Variants in HECW2 observed in about 807,000 individuals in gnomAD.
HECW2 encodes HECT, C2 and WW domain containing E3 ubiquitin protein ligase 2.
Under a neutral mutation model 175.2 loss-of-function variants are expected in HECW2, and 61 were observed. That is an observed-to-expected ratio of 0.35 (90% CI 0.28 to 0.43). The LOEUF (loss-of-function observed/expected upper bound fraction) is 0.43, where lower values mean the gene tolerates loss of function less well. HECW2 is among the 20% of genes least tolerant of loss of function. The pLI, the probability that HECW2 is intolerant of heterozygous loss-of-function variation, is 1.00. For missense variants in HECW2, 1,524 were observed against 2,000.5 expected (o/e 0.76, Z 4.54); for synonymous variants, 671 against 731.0 (o/e 0.92, Z 1.32).
intron 1 of HECW2, among the ~76,000 whole-genome samples, chr2:196,526,990 C>G (rs955051542): frequency 6.6e-6 from 1 of 152,104 alleles, no homozygotes; most frequent in Non-Finnish European, 1.5e-5. Context: ...CCTCCTTGAG[C>G]TGTGGTGGGC....
At chr2:196,324,514 G>C (rs1362512929) in intron 6 of HECW2, among the ~76,000 whole-genome samples, 1 of 152,150 alleles carries the variant, frequency 6.6e-6, no homozygotes, top group African/African-American at 2.4e-5. Flanking sequence ...AAAGCCCGCA[G>C]AGAGAGAAAT....
chr2:196,313,691 T>C (rs2105735857), intron 10 of HECW2, among the ~76,000 whole-genome samples: 1 of 151,670 alleles, frequency 6.6e-6, no homozygotes, highest in Middle Eastern at 3.4e-3. Context: ...AACAAGTAAA[T>C]CCCTGAAAAT....
At chr2:196,563,968 A>G (rs2125503276) in intron 1 of HECW2, among the ~76,000 whole-genome samples, 1 of 152,364 alleles carries the variant, frequency 6.6e-6, no homozygotes, top group East Asian at 1.9e-4. Context: ...CTCACACAGT[A>G]TCATCCCAGA....
chr2:196,564,217 A>G (rs1690104090), intron 1 of HECW2, among the ~76,000 whole-genome samples: 1 of 152,212 alleles, frequency 6.6e-6, no homozygotes, highest in African/African-American at 2.4e-5. Context: ...CACTCTTCAA[A>G]TTAGTCATAA....
intron 1 of HECW2, among the ~76,000 whole-genome samples, chr2:196,531,135 T>C (rs925583683): frequency 3.3e-5 from 5 of 152,206 alleles, no homozygotes; most frequent in African/African-American, 1.2e-4. Flanking sequence ...GCATAAGGGA[T>C]GCCAGAAATA....
chr2:196,566,328 C>T lies in HECW2; in HGVS notation c.-36+27180G>A, dbSNP rs913287559. 2.7e-5 allele frequency among the ~76,000 whole-genome samples: 4 copies of T among 150,284 alleles called. No homozygotes were observed. The East Asian group carries it at 7.8e-4, about 29-fold the overall frequency. On this transcript the variant is annotated intron_variant, in intron 1 of 28. Coordinates refer to ENST00000644978, the MANE Select transcript of HECW2 (RefSeq NM_001348768.2). Reference sequence around the variant, plus strand: ...AGATGTTATGGTGCTGTAATATCTACGGTCTCCACGTATTTAGGTCTGCGC... The same window carrying T: ...AGATGTTATGGTGCTGTAATATCTATGGTCTCCACGTATTTAGGTCTGCGC...
intron 14 of HECW2, among the ~76,000 whole-genome samples, chr2:196,284,260 G>A (rs1016928600): frequency 7.9e-5 from 12 of 152,146 alleles, no homozygotes; most frequent in Non-Finnish European, 1.2e-4. Context: ...AATTCTCATC[G>A]CTAATCTGTT....
intron 1 of HECW2, among the ~76,000 whole-genome samples, chr2:196,591,240 A>G (rs1691180108): frequency 6.6e-6 from 1 of 152,192 alleles, no homozygotes; most frequent in African/African-American, 2.4e-5. Context: ...ATGGTGCCCA[A>G]ACCTCAGAGT....
chr2:196,287,980 A>G (rs1575361669), intron 14 of HECW2: 1 of 151,082 alleles, frequency 6.6e-6, no homozygotes, highest in South Asian at 2.1e-4. Context: ...GTGCTAAGGC[A>G]CACATCCTTT....
At chr2:196,298,226 G>C (rs753850038) in intron 13 of HECW2, among the ~76,000 whole-genome samples, 1 of 152,142 alleles carries the variant, frequency 6.6e-6, no homozygotes, top group African/African-American at 2.4e-5. Flanking sequence ...AGCTATAAAA[G>C]ACATGGCACT....
intron 14 of HECW2, among the ~76,000 whole-genome samples, chr2:196,286,653 C>A (rs942869224): frequency 5.3e-5 from 8 of 152,112 alleles, no homozygotes; most frequent in Middle Eastern, 3.2e-3. Context: ...TTAAAATAGA[C>A]AAGAAGTCCT....
intron 1 of HECW2, among the ~76,000 whole-genome samples, chr2:196,562,250 C>G (rs973894775): frequency 6.6e-6 from 1 of 152,178 alleles, no homozygotes; most frequent in African/African-American, 2.4e-5. Flanking sequence ...CTCCCACCCT[C>G]CAACCAAGTT....
At chr2:196,497,946 T>G (rs1687454040) in intron 1 of HECW2, among the ~76,000 whole-genome samples, 1 of 152,240 alleles carries the variant, frequency 6.6e-6, no homozygotes, top group South Asian at 2.1e-4. Flanking sequence ...GTCCACACTT[T>G]GTTGAACCTA....
chr2:196,244,718 A>G (rs148900038), intron 19 of HECW2, among the ~76,000 whole-genome samples: 2,098 of 152,354 alleles, frequency 0.014, 16 homozygotes, highest in Non-Finnish European at 0.02. Flanking sequence ...TTTATATCCT[A>G]AAGTGGAACA....
intron 13 of HECW2, among the ~76,000 whole-genome samples, chr2:196,302,111 G>A (rs141881406): frequency 0.014 from 2,169 of 152,256 alleles, 46 homozygotes; most frequent in African/African-American, 0.05. Context: ...TGGCTAGCCA[G>A]TTCTCCCACC....
intron 17 of HECW2, among the ~76,000 whole-genome samples, chr2:196,267,886 C>T (rs918155901): frequency 8.2e-4 from 124 of 152,092 alleles, no homozygotes; most frequent in African/African-American, 2.8e-3. Flanking sequence ...AAGTGGTGTG[C>T]CACAGATGAG....
Position 196,361,842 on chromosome 2 carries a change from T to A in HECW2, c.293-18078A>T. 3 of 985,336 alleles carry A rather than the reference T, an allele frequency of 3.0e-6. No individual in the cohort carries two copies. The South Asian group carries it at 1.4e-4, about 46-fold the overall frequency. The allele number at this position is 985,336 out of a possible 1,614,324, so 61.0% of individuals were successfully genotyped here. ...ATAATCCCAAAGGTTTTAAAATCCA[T>A]CAGTCAAATGAGACTTAGGCAGCAG... On this transcript the variant is annotated intron_variant, in intron 2 of 28. Transcript: ENST00000644978.
chr2:196,530,411 T>A (rs1432756896), intron 1 of HECW2, among the ~76,000 whole-genome samples: 1 of 152,128 alleles, frequency 6.6e-6, no homozygotes, highest in Non-Finnish European at 1.5e-5. Flanking sequence ...CAGATAACCA[T>A]CCCTACAGAA....
rs1230850656 is a variant in HECW2 at position 196,194,542 on chromosome 2, T to A, written c.*6735A>T. 1.3e-5 allele frequency: 2 copies of A among 152,152 alleles called. No individual in the cohort carries two copies. Among genetic ancestry groups the A allele is most frequent in the African/African-American group, 2.4e-5 (1 of 41,442 alleles). 9.4% of individuals were successfully genotyped at this position (152,152 alleles called of 1,614,324 possible). A position where few individuals can be genotyped will look rare whatever the true frequency, so the allele number is the denominator to read the frequency against. Reference sequence around the variant, plus strand: ...ACAACAAAAGAGTCAGGGGTTCAGTTGAGAATAAGAATACAGACTTCCCAG... The same window carrying A: ...ACAACAAAAGAGTCAGGGGTTCAGTAGAGAATAAGAATACAGACTTCCCAG... On this transcript the variant is annotated 3_prime_UTR_variant, in exon 29 of 29. Coordinates refer to ENST00000644978, the MANE Select transcript of HECW2 (RefSeq NM_001348768.2).
Sources: gnomAD v4.1 joint callset for allele counts (sites outside exome capture counted in the v4.1 genomes callset) on GRCh38, gnomAD v4.1.1 for gene constraint, MANE v1.5 for transcripts, NCBI Gene and HGNC (gene_info 2026-07-23, HGNC 2026-07-21) for gene names.